Variants in QTMAN observed in about 807,000 individuals in gnomAD.
The protein encoded by QTMAN is queuosine-tRNA mannosyltransferase.
the QTMAN span, among the ~76,000 whole-genome samples, chr2:143,983,937 T>C: frequency 8.3e-3 from 1,260 of 152,306 alleles, 14 homozygotes; most frequent in African/African-American, 0.029. Context: ...AACATACATA[T>C]GTCCATAACT....
chr2:144,196,211 AG>A, the QTMAN span, among the ~76,000 whole-genome samples: 1 of 121,564 alleles, frequency 8.2e-6, no homozygotes, highest in Non-Finnish European at 1.7e-5. Flanking sequence ...ATGCACACAT[AG>A]CCACACACAC....
At chr2:144,079,969 T>C in the QTMAN span, among the ~76,000 whole-genome samples, 3 of 152,232 alleles carry the variant, frequency 2.0e-5, no homozygotes, top group African/African-American at 7.2e-5. Context: ...CTTAAAGTCA[T>C]GCTTCAATTG....
the QTMAN span, among the ~76,000 whole-genome samples, chr2:144,197,837 A>G: frequency 6.6e-6 from 1 of 152,210 alleles, no homozygotes; most frequent in African/African-American, 2.4e-5. Flanking sequence ...CTGCTGTAAT[A>G]ATCATCCTAT....
the QTMAN span, among the ~76,000 whole-genome samples, chr2:144,196,647 T>C: frequency 6.6e-6 from 1 of 152,188 alleles, no homozygotes; most frequent in Non-Finnish European, 1.5e-5. Context: ...AAAGAAGACA[T>C]TTACTTCCTA....
At chr2:144,133,450 A>T in the QTMAN span, among the ~76,000 whole-genome samples, 3,204 of 63,140 alleles carry the variant, frequency 0.051, 346 homozygotes, top group African/African-American at 0.23. Context: ...ATAATATATA[A>T]TATATAATAT....
the QTMAN span, among the ~76,000 whole-genome samples, chr2:144,156,668 TAACA>T: frequency 6.6e-6 from 1 of 152,008 alleles, no homozygotes; most frequent in African/African-American, 2.4e-5. Flanking sequence ...CAGCTAAATT[TAACA>T]AACAAAAACA....
At chr2:144,229,441 G>A in the QTMAN span, among the ~76,000 whole-genome samples, 2 of 152,164 alleles carry the variant, frequency 1.3e-5, no homozygotes, top group African/African-American at 4.8e-5. Context: ...AAAGAACCAT[G>A]TTCTTCACAG....
At chr2:143,955,676 C>T in the QTMAN span, among the ~76,000 whole-genome samples, 1 of 152,156 alleles carries the variant, frequency 6.6e-6, no homozygotes, top group Non-Finnish European at 1.5e-5. Flanking sequence ...GGTACTTGGG[C>T]ATTTAGCCAA....
chr2:144,139,361 A>G, the QTMAN span, among the ~76,000 whole-genome samples: 1 of 152,050 alleles, frequency 6.6e-6, no homozygotes, highest in African/African-American at 2.4e-5. Context: ...ACAAGATAAA[A>G]TAACCTTTTG....
At chr2:144,267,739 A>C in the QTMAN span, among the ~76,000 whole-genome samples, 1 of 152,244 alleles carries the variant, frequency 6.6e-6, no homozygotes, top group South Asian at 2.1e-4. Flanking sequence ...GTAGTAAAAC[A>C]GATGAAAATT....
the QTMAN span, among the ~76,000 whole-genome samples, chr2:143,975,542 C>A: frequency 6.6e-6 from 1 of 152,170 alleles, no homozygotes; most frequent in Non-Finnish European, 1.5e-5. Flanking sequence ...TATTTGTGTT[C>A]ATCAATATCC....
chr2:144,075,111 TTCTACCTTACTCA>T, the QTMAN span, among the ~76,000 whole-genome samples: 1 of 152,218 alleles, frequency 6.6e-6, no homozygotes, highest in South Asian at 2.1e-4. Flanking sequence ...TTCTCACTGA[TTCTACCTTACTCA>T]TCTAAGCAGA....
the QTMAN span, among the ~76,000 whole-genome samples, chr2:144,071,909 G>A: frequency 6.6e-6 from 1 of 152,168 alleles, no homozygotes; most frequent in African/African-American, 2.4e-5. Flanking sequence ...GAGGAGAACA[G>A]CAAGAATCTA....
chr2:144,229,210 CA>C, the QTMAN span, among the ~76,000 whole-genome samples: 1 of 152,128 alleles, frequency 6.6e-6, no homozygotes, highest in African/African-American at 2.4e-5. Flanking sequence ...TTCTCTCAGA[CA>C]AATTTTAAAT....
At chr2:144,117,684 T>C in the QTMAN span, among the ~76,000 whole-genome samples, 1 of 152,182 alleles carries the variant, frequency 6.6e-6, no homozygotes, top group Non-Finnish European at 1.5e-5. Context: ...TGAGTTTTTA[T>C]TTGACAGGTT....
chr2:144,268,536 A>C, the QTMAN span, among the ~76,000 whole-genome samples: 1 of 152,180 alleles, frequency 6.6e-6, no homozygotes, highest in South Asian at 2.1e-4. Context: ...CCAGGAAGCA[A>C]GCCCTCACCA....
the QTMAN span, chr2:144,178,997 C>T: frequency 3.2e-5 from 15 of 461,734 alleles, no homozygotes; most frequent in African/African-American, 3.0e-4. Flanking sequence ...TCGTTACTTT[C>T]CCATAAAACT....
At chr2:144,215,986 G>A in the QTMAN span, among the ~76,000 whole-genome samples, 1 of 151,994 alleles carries the variant, frequency 6.6e-6, no homozygotes, top group Non-Finnish European at 1.5e-5. Context: ...CTCATTTCCT[G>A]GCCCCTTCCT....
chr2:144,289,182 T>C, the QTMAN span, among the ~76,000 whole-genome samples: 29 of 152,210 alleles, frequency 1.9e-4, no homozygotes, highest in Admixed American at 1.9e-3. Flanking sequence ...TCCAGGCACC[T>C]GCCACCATAC....
Sources: gnomAD v4.1 joint callset for allele counts (sites outside exome capture counted in the v4.1 genomes callset) on GRCh38, gnomAD v4.1.1 for gene constraint, MANE v1.5 for transcripts, NCBI Gene and HGNC (gene_info 2026-07-23, HGNC 2026-07-21) for gene names.